The following NF1 variants were observed in gnomAD, a reference collection of about 807,000 sequenced individuals.
NF1 encodes the protein neurofibromin 1, also known as neurofibromin.
In NF1, 122 loss-of-function variants were observed where a neutral mutation model predicts 325.7. That is an observed-to-expected ratio of 0.37 (90% confidence interval 0.32 to 0.44). NF1 has a LOEUF of 0.44. Ranked by LOEUF, NF1 falls within the 20% of genes least tolerant of loss-of-function variation. The pLI is 1.00. For synonymous variants in NF1, 1,091 were observed against 1,186.0 expected, an observed-to-expected ratio of 0.92 and a Z score of 1.65; for missense variants, 2,140 against 3,415.4, an observed-to-expected ratio of 0.63 and a Z score of 9.31.
intron 1 of NF1, among the ~76,000 whole-genome samples, chr17:31,108,184 A>G (rs899213761): frequency 6.6e-6 from 1 of 150,804 alleles, no homozygotes; most frequent in African/African-American, 2.4e-5. Context: ...TATGCATTTG[A>G]TTACCAGTAC....
intron 36 of NF1, among the ~76,000 whole-genome samples, chr17:31,311,434 T>TA (rs947740027): frequency 6.6e-6 from 1 of 152,168 alleles, no homozygotes; most frequent in Non-Finnish European, 1.5e-5. Flanking sequence ...TTTGATATAA[T>TA]AAAAGTTGTG....
chr17:31,253,149 A>G (rs183008538), intron 31 of NF1, 149 bp downstream of exon 31: 10 of 661,362 alleles, frequency 1.5e-5, no homozygotes, highest in African/African-American at 3.6e-5. Flanking sequence ...TTTCATTTCA[A>G]TTAACCCTGG....
chr17:31,262,813 C>T (rs754117411), intron 35 of NF1, among the ~76,000 whole-genome samples: 26 of 151,468 alleles, frequency 1.7e-4, no homozygotes, highest in Admixed American at 5.9e-4. Context: ...ATGTTTATTC[C>T]TATGTAATTA....
At chr17:31,349,628 G>T (rs1328571637) in intron 49 of NF1, among the ~76,000 whole-genome samples, 2 of 152,088 alleles carry the variant, frequency 1.3e-5, no homozygotes, top group Non-Finnish European at 2.9e-5. Flanking sequence ...CCAAATGGAT[G>T]AGCTATTTTA....
At chr17:31,159,208 A>G (rs1214703054) in intron 3 of NF1, 115 bp downstream of exon 3, 1 of 742,458 alleles carries the variant, frequency 1.3e-6, no homozygotes, top group African/African-American at 1.7e-5. Context: ...TTTGTCTGAG[A>G]CATATAAATA....
intron 1 of NF1, among the ~76,000 whole-genome samples, chr17:31,111,474 A>G (rs1194926364): frequency 6.6e-6 from 1 of 152,198 alleles, no homozygotes; most frequent in Non-Finnish European, 1.5e-5. Flanking sequence ...GTTGAAAACC[A>G]GAAACAAAGA....
rs1334128782 is a variant in NF1 at position 31,338,817 on chromosome 17, A to G, written c.6921+12A>G. The G allele has an allele frequency of 6.5e-7, 1 of 1,538,420 alleles. No individual in the cohort carries two copies. Among genetic ancestry groups the G allele is most frequent in the Admixed American group, 1.7e-5 (1 of 59,890 alleles). On this transcript the variant is annotated intron_variant, in intron 46 of 57. Coordinates refer to ENST00000358273, the MANE Select transcript of NF1 (RefSeq NM_001042492.3). ...CACTTCTTAATAAGGTAATTACTGTATAGAAAATGAGTGCATTCATTTTGG... is the reference window on the plus strand; with the variant it reads ...CACTTCTTAATAAGGTAATTACTGTGTAGAAAATGAGTGCATTCATTTTGG...
intron 36 of NF1, chr17:31,297,459 T>C (rs1324213907): frequency 1.3e-5 from 2 of 152,214 alleles, no homozygotes; most frequent in Non-Finnish European, 1.5e-5. Context: ...ATGGGATACC[T>C]TATGCATGAG....
chr17:31,239,962 C>T (rs2067266722), intron 29 of NF1, among the ~76,000 whole-genome samples: 1 of 152,192 alleles, frequency 6.6e-6, no homozygotes, highest in Non-Finnish European at 1.5e-5. Flanking sequence ...CAGGGTTTCA[C>T]AATATTGGCC....
At chr17:31,310,184 A>G (rs949402221) in intron 36 of NF1, among the ~76,000 whole-genome samples, 2 of 152,212 alleles carry the variant, frequency 1.3e-5, no homozygotes, top group African/African-American at 4.8e-5. Flanking sequence ...GGTAAAGAAC[A>G]ATATTGGGCA....
intron 36 of NF1, chr17:31,271,975 G>C (rs1171828991): frequency 6.6e-6 from 1 of 151,716 alleles, no homozygotes; most frequent in Non-Finnish European, 1.5e-5. Context: ...TCTGAGTTTT[G>C]GTTCAGTTTT....
intron 36 of NF1, among the ~76,000 whole-genome samples, chr17:31,270,263 G>A (rs531450373): frequency 6.6e-6 from 1 of 152,322 alleles, no homozygotes; most frequent in South Asian, 2.1e-4. Flanking sequence ...TCTCTATGTT[G>A]TTTGGCTTGC....
At chr17:31,257,519 T>C (rs2067603230) in intron 31 of NF1, among the ~76,000 whole-genome samples, 1 of 152,208 alleles carries the variant, frequency 6.6e-6, no homozygotes, top group Non-Finnish European at 1.5e-5. Context: ...TATCTTAATG[T>C]AGAATGTTTT....
At position 31,330,548 on chromosome 17, in the gene NF1, C is replaced by G. The variant is rs767888397; in HGVS notation, c.5812+50C>G. On this transcript the variant is annotated intron_variant, in intron 39 of 57. Coordinates refer to ENST00000358273, the MANE Select transcript of NF1 (RefSeq NM_001042492.3). ...TACTAACAATTATTCTAAGAGAATT[C>G]AAAGAAAACCCTTTCATTTCAGAAT... is the stretch of plus-strand genomic sequence containing the variant. The G allele has an allele frequency of 3.0e-6, 4 of 1,337,718 alleles. No homozygotes were observed. The Admixed American group carries it at 7.4e-5, about 25-fold the overall frequency. The allele number at this position is 1,337,718 out of a possible 1,614,324, so 82.9% of individuals were successfully genotyped here.
intron 36 of NF1, among the ~76,000 whole-genome samples, chr17:31,285,140 G>A (rs909057580): frequency 1.3e-5 from 2 of 151,826 alleles, no homozygotes; most frequent in African/African-American, 4.8e-5. Flanking sequence ...AGCCAAGTGT[G>A]GTGGCACATG....
intron 39 of NF1, 36 bp from the exon 40 acceptor site, chr17:31,334,802 T>C (rs2151550086): frequency 1.3e-6 from 2 of 1,483,962 alleles, no homozygotes; most frequent in Non-Finnish European, 1.9e-6. Flanking sequence ...GTGATTTTCA[T>C]TGACCATCAC....
At chr17:31,321,695 G>A (rs1418104249) in intron 36 of NF1, 1 of 145,990 alleles carries the variant, frequency 6.8e-6, no homozygotes, top group Non-Finnish European at 1.5e-5. Flanking sequence ...TGCAACTAAA[G>A]CACATGTCAC....
At chr17:31,294,960 C>G (rs771528005) in intron 36 of NF1, 2 of 1,612,652 alleles carry the variant, frequency 1.2e-6, no homozygotes. Context: ...ATTTTCCCAA[C>G]TGTACATCAG....
rs1401624639 is a variant in NF1 at position 31,336,075 on chromosome 17, T to C, written c.6007-258T>C. ...GAGATACTTTGCAAGTGACTGAAGA[T>C]AGTATTGATAGAGATTTAAAATTTT... On this transcript the variant is annotated intron_variant, in intron 40 of 57. Transcript: ENST00000358273. This position sits in a 1 kb window ranked among gnomAD's most constrained non-coding sequence, Gnocchi z 5.5. 6.6e-6 allele frequency among the ~76,000 whole-genome samples: 1 copy of C among 152,116 alleles called. No homozygotes were observed. Among genetic ancestry groups the C allele is most frequent in the Non-Finnish European group, 1.5e-5 (1 of 68,018 alleles).
Sources: gnomAD v4.1 joint callset for allele counts (sites outside exome capture counted in the v4.1 genomes callset) on GRCh38, gnomAD v4.1.1 for gene constraint, Gnocchi (gnomAD v3.1) non-coding constraint, MANE v1.5 for transcripts, NCBI Gene and HGNC (gene_info 2026-07-23, HGNC 2026-07-21) for gene names.